The following TMTC2 variants were observed in gnomAD, a reference collection of about 807,000 sequenced individuals.
TMTC2 encodes the protein transmembrane O-mannosyltransferase targeting cadherins 2.
A neutral mutation model predicts 82.4 loss-of-function variants in TMTC2; 43 were observed. The ratio of observed to expected loss-of-function variants is 0.52; its 90% confidence interval spans 0.41 to 0.67. The LOEUF (loss-of-function observed/expected upper bound fraction) is 0.67. Among genes scored for constraint, TMTC2 ranks in the 30% least tolerant of loss-of-function variants. The pLI is 0.00. For synonymous variants in TMTC2, 408 were observed against 381.9 expected (o/e 1.07, Z -0.80); for missense variants, 919 against 1,012.4 (o/e 0.91, Z 1.25).
chr12:82,991,368 T>G (rs1183599777), intron 8 of TMTC2, among the ~76,000 whole-genome samples: 1 of 152,188 alleles, frequency 6.6e-6, no homozygotes, highest in Non-Finnish European at 1.5e-5. Flanking sequence ...CATCCTCTTT[T>G]TATAACTTAT....
chr12:83,068,417 G>C (rs1882995361), intron 11 of TMTC2, among the ~76,000 whole-genome samples: 1 of 152,082 alleles, frequency 6.6e-6, no homozygotes, highest in African/African-American at 2.4e-5. Flanking sequence ...TTATTATGTT[G>C]TTGGAAAAAA....
At chr12:82,817,244 C>A (rs899177703) in intron 1 of TMTC2, among the ~76,000 whole-genome samples, 1 of 152,120 alleles carries the variant, frequency 6.6e-6, no homozygotes, top group East Asian at 1.9e-4. Flanking sequence ...GCTGGGATTA[C>A]AGGCATGAGC....
intron 4 of TMTC2, among the ~76,000 whole-genome samples, chr12:82,932,819 C>G (rs911719088): frequency 6.6e-6 from 1 of 152,090 alleles, no homozygotes; most frequent in Non-Finnish European, 1.5e-5. Context: ...AAACGTTGCC[C>G]ACCTCTTTGT....
At chr12:82,868,229 A>G (rs2137131810) in intron 2 of TMTC2, among the ~76,000 whole-genome samples, 1 of 152,242 alleles carries the variant, frequency 6.6e-6, no homozygotes, top group South Asian at 2.1e-4. Context: ...CATTTTATGG[A>G]GCACTCAATT....
intron 11 of TMTC2, among the ~76,000 whole-genome samples, chr12:83,074,685 T>C (rs1198198847): frequency 1.3e-5 from 2 of 152,002 alleles, no homozygotes; most frequent in Non-Finnish European, 2.9e-5. Flanking sequence ...CTCACTCCCA[T>C]TGTGCCCCCC....
chr12:82,913,279 C>T (rs1874806093), intron 3 of TMTC2, among the ~76,000 whole-genome samples: 1 of 152,062 alleles, frequency 6.6e-6, no homozygotes, highest in Non-Finnish European at 1.5e-5. Context: ...CTCTGTGGTA[C>T]CATTCCAGAA....
intron 1 of TMTC2, among the ~76,000 whole-genome samples, chr12:82,724,073 A>G (rs899571741): frequency 3.3e-5 from 5 of 152,228 alleles, no homozygotes; most frequent in Admixed American, 3.3e-4. Context: ...AATATCTGCA[A>G]GATGCCCTGG....
In TMTC2 at chr12:82,706,851, G is replaced by A. The variant is rs115271804; in HGVS notation, c.83+19182G>A. 3.2e-3 allele frequency among the ~76,000 whole-genome samples: 485 copies of A among 152,188 alleles called. 1 individual carries two copies. The highest frequency in any genetic ancestry group is 0.01 in the African/African-American group (433 of 41,522). On this transcript the variant is annotated intron_variant, in intron 1 of 11. Transcript: ENST00000321196. ...TTTGGGTGAAGGGAGATGGAAAGACGTGCCTACTTTCCTTAATGAGTAAGA... is the reference window on the plus strand; with the variant it reads ...TTTGGGTGAAGGGAGATGGAAAGACATGCCTACTTTCCTTAATGAGTAAGA...
At chr12:82,836,918 T>G (rs993640687) in intron 1 of TMTC2, among the ~76,000 whole-genome samples, 7 of 152,224 alleles carry the variant, frequency 4.6e-5, no homozygotes, top group Middle Eastern at 3.2e-3. Context: ...TAGGTTGTTC[T>G]TTCTCCCAAG....
intron 1 of TMTC2, among the ~76,000 whole-genome samples, chr12:82,776,232 C>T (rs762007332): frequency 2.6e-5 from 4 of 151,976 alleles, no homozygotes; most frequent in Admixed American, 6.6e-5. Flanking sequence ...CATACATATG[C>T]TAAATGTAAT....
chr12:82,734,992 T>C (rs1388671121), intron 1 of TMTC2, among the ~76,000 whole-genome samples: 1 of 152,164 alleles, frequency 6.6e-6, no homozygotes, highest in Non-Finnish European at 1.5e-5. Context: ...ACGTGGTATA[T>C]TGGGAACAGT....
At chr12:83,131,065 C>A (rs911328848) in intron 11 of TMTC2, among the ~76,000 whole-genome samples, 1 of 152,158 alleles carries the variant, frequency 6.6e-6, no homozygotes, top group African/African-American at 2.4e-5. Context: ...TGTGAAAACA[C>A]CAAATCTTAA....
At chr12:83,115,650 T>A (rs1012072889) in intron 11 of TMTC2, among the ~76,000 whole-genome samples, 85 of 43,026 alleles carry the variant, frequency 2.0e-3, no homozygotes, top group East Asian at 0.012. Flanking sequence ...TTTTATTATT[T>A]TTTTTTTTAT....
At chr12:82,798,387 C>G (rs1878827562) in intron 1 of TMTC2, among the ~76,000 whole-genome samples, 1 of 147,526 alleles carries the variant, frequency 6.8e-6, no homozygotes, top group Admixed American at 6.8e-5. Flanking sequence ...GTCCCAGCTA[C>G]TAGGGAGGCT....
chr12:83,034,913 C>T (rs1011604607), intron 9 of TMTC2, among the ~76,000 whole-genome samples: 1 of 152,200 alleles, frequency 6.6e-6, no homozygotes, highest in Non-Finnish European at 1.5e-5. Context: ...TCCTTGCCAA[C>T]TTGCTGGTTA....
At chr12:82,943,384 T>C (rs892642952) in intron 4 of TMTC2, among the ~76,000 whole-genome samples, 1 of 152,252 alleles carries the variant, frequency 6.6e-6, no homozygotes. Context: ...TATTGGCATT[T>C]GACTCTAAAT....
Position 82,750,463 on chromosome 12 carries a change from C to A in TMTC2, c.83+62794C>A, listed in dbSNP as rs149232031. On this transcript the variant is annotated intron_variant, in intron 1 of 11. Transcript: ENST00000321196. ...AATTGGCATTCTGCACTCTGTTCTCCGCACCCAGTACCTCCAGGGGATAGA... is the reference window on the plus strand; with the variant it reads ...AATTGGCATTCTGCACTCTGTTCTCAGCACCCAGTACCTCCAGGGGATAGA... 3.3e-5 allele frequency among the ~76,000 whole-genome samples: 5 copies of A among 152,108 alleles called. 1 individual carries two copies. The South Asian group carries it at 1.0e-3, about 32-fold the overall frequency.
intron 3 of TMTC2, among the ~76,000 whole-genome samples, chr12:82,921,357 G>T (rs1367622271): frequency 6.6e-6 from 1 of 152,154 alleles, no homozygotes; most frequent in Non-Finnish European, 1.5e-5. Flanking sequence ...GTGAAATGAG[G>T]ATAGTAATAC....
chr12:83,090,292 A>G (rs1565884521), intron 11 of TMTC2, among the ~76,000 whole-genome samples: 2 of 152,200 alleles, frequency 1.3e-5, no homozygotes, highest in Non-Finnish European at 2.9e-5. Context: ...AGTTAGAGAA[A>G]TCAAATGAAA....
Sources: allele counts gnomAD v4.1 joint callset (sites outside exome capture counted in the v4.1 genomes callset), GRCh38; gene constraint gnomAD v4.1.1; transcripts MANE v1.5; gene names NCBI Gene and HGNC (gene_info 2026-07-23, HGNC 2026-07-21).